DMD: variants seen among roughly 807,000 people sequenced by gnomAD.
DMD encodes the protein dystrophin.
In DMD, 63 loss-of-function variants were observed where a neutral mutation model predicts 330.1. That is an observed-to-expected ratio of 0.19 (90% CI 0.16 to 0.24). DMD has a LOEUF of 0.24. DMD is among the 10% of genes least tolerant of loss of function. The pLI is 1.00. For synonymous variants in DMD, 1,223 were observed against 959.8 expected (o/e 1.27, Z -5.07); for missense variants, 3,344 against 2,684.1 (o/e 1.25, Z -5.43).
chrX:32,125,732 A>G (rs916768330), intron 44 of DMD, among the ~76,000 whole-genome samples: 1 of 112,090 alleles, frequency 8.9e-6, no homozygotes, highest in African/African-American at 3.2e-5. Context: ...ATTTTAAATT[A>G]CAAAGCCAAT....
intron 16 of DMD, among the ~76,000 whole-genome samples, chrX:32,561,552 C>G (rs808580): frequency 9.0e-6 from 1 of 110,625 alleles, no homozygotes; most frequent in Non-Finnish European, 1.9e-5. Flanking sequence ...CTGAAAGAGA[C>G]GGGGAGAACG....
intron 1 of DMD, among the ~76,000 whole-genome samples, chrX:33,262,455 G>T (rs906522343): frequency 2.7e-5 from 3 of 111,200 alleles, no homozygotes; most frequent in Non-Finnish European, 3.8e-5. Flanking sequence ...AAAGGGCAAG[G>T]TTTATCTAAG....
chrX:31,369,032 C>A (rs779380260), intron 60 of DMD, among the ~76,000 whole-genome samples: 11 of 111,812 alleles, frequency 9.8e-5, no homozygotes, highest in Non-Finnish European at 1.9e-4. Context: ...TAAACCTGGA[C>A]TCTTGGAGAA....
intron 18 of DMD, among the ~76,000 whole-genome samples, chrX:32,512,678 A>G (rs141104280): frequency 4.4e-5 from 5 of 112,532 alleles, no homozygotes; most frequent in East Asian, 2.8e-4. Context: ...ATATGAAGAC[A>G]TGGACTTTGT....
chrX:31,600,940 G>T (rs767196435), intron 55 of DMD, among the ~76,000 whole-genome samples: 58 of 109,354 alleles, frequency 5.3e-4, no homozygotes, highest in Non-Finnish European at 1.0e-3. Context: ...CCTACACCCT[G>T]CCCAATCCTG....
chrX:32,866,621 C>T (rs1024911613), intron 2 of DMD, among the ~76,000 whole-genome samples: 4 of 107,904 alleles, frequency 3.7e-5, no homozygotes, highest in Non-Finnish European at 5.7e-5. Context: ...TCCTCCAATG[C>T]AATCTTGCAA....
chrX:32,155,885 C>T (rs1401596812), intron 44 of DMD, among the ~76,000 whole-genome samples: 2 of 110,223 alleles, frequency 1.8e-5, no homozygotes, highest in African/African-American at 6.6e-5. Context: ...AAATTATTTA[C>T]ACACTGTAAT....
chrX:31,283,656 CAT>C (rs201875799), intron 62 of DMD, among the ~76,000 whole-genome samples: 1,360 of 111,495 alleles, frequency 0.012, 18 homozygotes, highest in African/African-American at 0.039. Context: ...AATCATAAAA[CAT>C]GTGTGCTAAA....
chrX:32,289,723 G>A (rs2097458585), intron 42 of DMD, among the ~76,000 whole-genome samples: 1 of 111,617 alleles, frequency 9.0e-6, no homozygotes, highest in African/African-American at 3.3e-5. Flanking sequence ...TGCCATGACA[G>A]GTTACAAATG....
At chrX:31,501,888 A>C (rs1300494665) in intron 56 of DMD, among the ~76,000 whole-genome samples, 2 of 111,666 alleles carry the variant, frequency 1.8e-5, no homozygotes, top group African/African-American at 6.5e-5. Context: ...GAATGCAGAA[A>C]TAATAAAGAA....
chrX:31,599,053 G>C (rs769103172), intron 55 of DMD, among the ~76,000 whole-genome samples: 93 of 111,814 alleles, frequency 8.3e-4, no homozygotes, highest in African/African-American at 2.7e-3. Context: ...AGATTTTCTG[G>C]AGTTATAAAA....
intron 1 of DMD, among the ~76,000 whole-genome samples, chrX:33,163,739 T>C (rs1365921192): frequency 9.3e-6 from 1 of 107,993 alleles, no homozygotes; most frequent in East Asian, 2.9e-4. Flanking sequence ...AGCTAAAAAG[T>C]CTTGTAGAGG....
intron 63 of DMD, among the ~76,000 whole-genome samples, chrX:31,250,802 G>A (rs1433593241): frequency 7.2e-5 from 8 of 111,179 alleles, no homozygotes; most frequent in Admixed American, 6.7e-4. Flanking sequence ...CCACCACCGC[G>A]GCTGGGTGCA....
At chrX:33,176,944 T>C (rs751145448) in intron 1 of DMD, among the ~76,000 whole-genome samples, 2 of 110,641 alleles carry the variant, frequency 1.8e-5, no homozygotes, top group African/African-American at 3.3e-5. Flanking sequence ...TCTCAAAAAA[T>C]AAAATAAAAA....
chrX:32,419,417 C>T (rs184531270), intron 29 of DMD, among the ~76,000 whole-genome samples: 51 of 112,107 alleles, frequency 4.5e-4, no homozygotes, highest in Middle Eastern at 4.6e-3. Flanking sequence ...AACCATGTTG[C>T]TTTAACCCAC....
rs200762890 is a variant in DMD, at chrX:31,119,763, A to AAAGGTCCAGCGTCACAT, written c.*2139_*2155dup. The stretch of plus-strand genomic sequence containing the variant: ...AGTTTTAAAAATCCTTGGGTAAAGA[A>AAAGGTCCAGCGTCACAT]AAGGTCCAGCGTCACATAAAGGAAA... On this transcript the variant is annotated 3_prime_UTR_variant, in exon 79 of 79. Coordinates refer to ENST00000357033, the MANE Select transcript of DMD (RefSeq NM_004006.3). 5.6e-3 allele frequency: 623 copies of AAAGGTCCAGCGTCACAT among 112,150 alleles called. 17 individuals carry two copies. The South Asian group carries it at 0.099, about 18-fold the overall frequency. The allele number at this position is 112,150 out of a possible 1,213,427, so 9.2% of individuals were successfully genotyped here. A position where few individuals can be genotyped will look rare whatever the true frequency, so the allele number is the denominator to read the frequency against.
chrX:32,825,013 T>A (rs1944163178), intron 4 of DMD, among the ~76,000 whole-genome samples: 1 of 111,773 alleles, frequency 8.9e-6, no homozygotes, highest in Admixed American at 9.5e-5. Flanking sequence ...ATTGATTCAC[T>A]AACTCAACAA....
intron 50 of DMD, among the ~76,000 whole-genome samples, chrX:31,811,008 T>C (rs1042313221): frequency 8.9e-6 from 1 of 112,039 alleles, no homozygotes; most frequent in South Asian, 3.7e-4. Context: ...TCAAAAAATC[T>C]CTAATCATCA....
In DMD at chrX:32,921,380, C is replaced by T. The variant is rs1016460193; in HGVS notation, c.94-71560G>A. Among the ~76,000 whole-genome samples, 4 of 111,997 alleles carry T rather than the reference C, an allele frequency of 3.6e-5. No individual in the cohort carries two copies. The East Asian group carries it at 1.1e-3, about 31-fold the overall frequency. ...AAATATTTGAAAATATGTTCATCCT[C>T]ATTCCTGAGTAGATAAGTGCAAACT... On this transcript the variant is annotated intron_variant, in intron 2 of 78. Transcript: ENST00000357033.
Sources: gnomAD v4.1 joint callset for allele counts (sites outside exome capture counted in the v4.1 genomes callset) on GRCh38, gnomAD v4.1.1 for gene constraint, MANE v1.5 for transcripts, NCBI Gene and HGNC (gene_info 2026-07-23, HGNC 2026-07-21) for gene names.